The following FHOD3 variants were observed in gnomAD, a reference collection of about 807,000 sequenced individuals.
The protein encoded by FHOD3 is formin homology 2 domain containing 3.
FHOD3 carries 90 observed loss-of-function variants against 173.0 expected under a neutral mutation model. That is an observed-to-expected ratio of 0.52 (90% CI 0.44 to 0.62). FHOD3 has a LOEUF of 0.62. FHOD3 is among the 20% of genes least tolerant of loss of function. The probability of loss-of-function intolerance (pLI) is 0.00; values close to 1 mark genes in which losing one functional copy is unlikely to be tolerated. For synonymous variants in FHOD3, 828 were observed against 823.0 expected, an observed-to-expected ratio of 1.01 and a Z score of -0.10; for missense variants, 1,945 against 2,034.7, an observed-to-expected ratio of 0.96 and a Z score of 0.85.
At chr18:36,454,694 GC>G (rs2052066663) in intron 3 of FHOD3, among the ~76,000 whole-genome samples, 1 of 151,288 alleles carries the variant, frequency 6.6e-6, no homozygotes, top group Non-Finnish European at 1.5e-5. Flanking sequence ...TTAACCTGGA[GC>G]CCACCCCTGC....
rs536813973 is a variant in FHOD3 at position 36,743,126 on chromosome 18, G to A, written c.3879+270G>A. On this transcript the variant is annotated intron_variant, in intron 22 of 28. Coordinates refer to ENST00000590592, the MANE Select transcript of FHOD3 (RefSeq NM_001281740.3). ...GAGATCGAGCCATCCTGGCTAACAC[G>A]GTGAAACCCTGTCTCTACTAAAAAT... Among the ~76,000 whole-genome samples the A allele has an allele frequency of 7.9e-5, 12 of 151,966 alleles. No homozygotes were observed. In the East Asian group the frequency reaches 2.1e-3, roughly 27 times the overall value.
chr18:36,527,198 A>G (rs2056561136), intron 5 of FHOD3, among the ~76,000 whole-genome samples: 1 of 152,142 alleles, frequency 6.6e-6, no homozygotes, highest in African/African-American at 2.4e-5. Context: ...GTGCCTGGTC[A>G]ACTCGTGGGC....
chr18:36,652,521 C>T (rs1186781221), intron 11 of FHOD3, 49 bp from the exon 12 acceptor site: 1 of 1,486,736 alleles, frequency 6.7e-7, no homozygotes, highest in Non-Finnish European at 8.9e-7. Flanking sequence ...TGCTCCTTCT[C>T]TCCCAAATCT....
intron 2 of FHOD3, among the ~76,000 whole-genome samples, chr18:36,358,704 C>A (rs1271262062): frequency 6.6e-6 from 1 of 152,084 alleles, no homozygotes; most frequent in African/African-American, 2.4e-5. Context: ...TTGATAGGGT[C>A]TTTCTTTGTC....
intron 1 of FHOD3, among the ~76,000 whole-genome samples, chr18:36,311,055 C>T (rs1879608839): frequency 6.6e-6 from 1 of 152,070 alleles, no homozygotes. Context: ...AGAGGAAAGA[C>T]AGACAGGAAG....
intron 10 of FHOD3, among the ~76,000 whole-genome samples, chr18:36,630,393 G>A (rs1412819215): frequency 6.6e-6 from 1 of 152,066 alleles, no homozygotes; most frequent in Non-Finnish European, 1.5e-5. Context: ...TTTTAAGTCC[G>A]TTTAGCAAAG....
At chr18:36,421,016 G>T (rs1599047282) in intron 3 of FHOD3, among the ~76,000 whole-genome samples, 1 of 152,178 alleles carries the variant, frequency 6.6e-6, no homozygotes, top group Non-Finnish European at 1.5e-5. Flanking sequence ...ATTTGGCCAT[G>T]ACTCAGCCAA....
At chr18:36,337,484 A>C (rs1352825467) in intron 1 of FHOD3, among the ~76,000 whole-genome samples, 2 of 152,162 alleles carry the variant, frequency 1.3e-5, no homozygotes, top group African/African-American at 4.8e-5. Flanking sequence ...TACTTGGGGC[A>C]TGTGACATTA....
intron 28 of FHOD3, among the ~76,000 whole-genome samples, chr18:36,775,258 CA>C (rs1166489715): frequency 1.3e-5 from 2 of 152,074 alleles, no homozygotes; most frequent in Non-Finnish European, 2.9e-5. Context: ...TAATTATGTG[CA>C]AAAAAACCCC....
Position 36,653,388 on chromosome 18 carries a change from T to TA in FHOD3, c.1694dup (p.Tyr565Ter), listed in dbSNP as rs1253666013. Residue 565 changes from tyrosine to a stop codon, truncating the protein, a stop_gained and frameshift_variant, in exon 13 of 29, where the codon TAC becomes TAAC. Transcript: ENST00000590592. LOFTEE classifies it high-confidence loss of function. ...GAGCACATATTCTGCCTCTGAGCCT[T>TA]ACCACTTCCGATCTTTCTCTTCTAA... ...SLSTYSASEP[Y>*]HFRSFSSNRY... 6.5e-7 allele frequency: 1 copy of TA among 1,535,046 alleles called. No homozygotes were observed. The highest frequency in any genetic ancestry group is 1.2e-5 in the South Asian group (1 of 83,990).
chr18:36,572,065 C>G (rs1157857956), intron 5 of FHOD3, among the ~76,000 whole-genome samples: 1 of 152,166 alleles, frequency 6.6e-6, no homozygotes, highest in Non-Finnish European at 1.5e-5. Flanking sequence ...CTAACTCATT[C>G]CTCACCACAC....
intron 14 of FHOD3, among the ~76,000 whole-genome samples, chr18:36,663,376 G>C (rs2036941824): frequency 6.6e-6 from 1 of 152,186 alleles, no homozygotes. Context: ...TCTTCCTGCT[G>C]TCAGCCTTCC....
intron 9 of FHOD3, among the ~76,000 whole-genome samples, chr18:36,612,514 T>G (rs2032792361): frequency 6.6e-6 from 1 of 151,990 alleles, no homozygotes; most frequent in African/African-American, 2.4e-5. Flanking sequence ...AAAACGAAAA[T>G]GAAGGACCAT....
intron 1 of FHOD3, among the ~76,000 whole-genome samples, chr18:36,335,716 G>T (rs2045273474): frequency 1.3e-5 from 2 of 152,144 alleles, no homozygotes; most frequent in Non-Finnish European, 2.9e-5. Context: ...GAAGTGTCCA[G>T]CTTGCCTCAT....
chr18:36,757,193 C>A (rs1001732727), intron 25 of FHOD3, among the ~76,000 whole-genome samples: 3 of 152,114 alleles, frequency 2.0e-5, no homozygotes, highest in South Asian at 2.1e-4. Context: ...GAGTTTGATT[C>A]AAAAATATTT....
At chr18:36,394,465 G>A (rs146721971) in intron 3 of FHOD3, among the ~76,000 whole-genome samples, 5 of 152,224 alleles carry the variant, frequency 3.3e-5, no homozygotes, top group Admixed American at 6.5e-5. Context: ...TCCCCACCCC[G>A]CAGCACTAGA....
intron 25 of FHOD3, among the ~76,000 whole-genome samples, chr18:36,756,047 A>G (rs553150608): frequency 2.0e-5 from 3 of 152,252 alleles, no homozygotes; most frequent in Middle Eastern, 3.4e-3. Flanking sequence ...AGTAAAGTGG[A>G]GGGTAAAGGG....
chr18:36,689,234 G>A (rs2038812360), intron 16 of FHOD3, among the ~76,000 whole-genome samples: 1 of 152,162 alleles, frequency 6.6e-6, no homozygotes, highest in Non-Finnish European at 1.5e-5. Context: ...AATGGAATTT[G>A]GAAATGGAAA....
At chr18:36,695,064 T>C (rs1181093568) in intron 17 of FHOD3, among the ~76,000 whole-genome samples, 1 of 151,834 alleles carries the variant, frequency 6.6e-6, no homozygotes, top group Non-Finnish European at 1.5e-5. Flanking sequence ...TATTTGCAGC[T>C]GGGCACAGTG....
Sources: gnomAD v4.1 joint callset for allele counts (sites outside exome capture counted in the v4.1 genomes callset) on GRCh38, gnomAD v4.1.1 for gene constraint, MANE v1.5 for transcripts, NCBI Gene and HGNC (gene_info 2026-07-23, HGNC 2026-07-21) for gene names.